The following ANO10 variants were observed in gnomAD, a reference collection of about 807,000 sequenced individuals.
ANO10 encodes the protein anoctamin 10.
In ANO10, 77 loss-of-function variants were observed where a neutral mutation model predicts 74.7. The ratio of observed to expected loss-of-function variants is 1.03; its 90% confidence interval spans 0.86 to 1.25. ANO10 has a LOEUF of 1.25. Among genes scored for constraint, ANO10 ranks in the 50% most tolerant of loss-of-function variants. The pLI is 0.00. For synonymous variants in ANO10, 279 were observed against 284.9 expected (o/e 0.98, Z 0.21); for missense variants, 721 against 778.1 (o/e 0.93, Z 0.87).
chr3:43,505,677 G>A (rs951747002), intron 11 of ANO10, among the ~76,000 whole-genome samples: 2 of 152,212 alleles, frequency 1.3e-5, no homozygotes, highest in Admixed American at 6.5e-5. Context: ...AGGAGGAGGT[G>A]ACATACACAT....
intron 11 of ANO10, among the ~76,000 whole-genome samples, chr3:43,443,341 G>A (rs1451687292): frequency 6.6e-6 from 1 of 152,132 alleles, no homozygotes; most frequent in Non-Finnish European, 1.5e-5. Context: ...GATGTGATAT[G>A]GATTCAGTTA....
chr3:43,661,223 A>C (rs1219489300), intron 1 of ANO10, among the ~76,000 whole-genome samples: 1 of 152,254 alleles, frequency 6.6e-6, no homozygotes, highest in Non-Finnish European at 1.5e-5. Context: ...GAAACCCTAC[A>C]AGCCAGAAGA....
Position 43,669,371 on chromosome 3 carries a change from T to C in ANO10, c.-12+22146A>G, listed in dbSNP as rs1056636509. On this transcript the variant is annotated intron_variant, in intron 1 of 3. Transcript: ENST00000413397. ...GTAGCATTCCTGGAGGTAAAACTCA[T>C]GAAAATGTGAGGGCCCCCCATGAAT... 5.3e-5 allele frequency among the ~76,000 whole-genome samples: 8 copies of C among 152,264 alleles called. No homozygotes were observed. The East Asian group carries it at 5.8e-4, about 11-fold the overall frequency.
rs865842244 is a variant in ANO10, at chr3:43,549,793, C to T, written c.1724G>A (p.Gly575Glu). 9 of 1,613,996 alleles carry T rather than the reference C, an allele frequency of 5.6e-6. No individual in the cohort carries two copies. In the East Asian group the frequency reaches 2.0e-4, roughly 36 times the overall value. ...ISVVTNCALI[G>E]MSPQVNAVFP... ...GACTGCATTCACTTGTGGTGACATTCCAATCAGCGCACAGTTAGTGACCAC... is the reference window on the plus strand; with the variant it reads ...GACTGCATTCACTTGTGGTGACATTTCAATCAGCGCACAGTTAGTGACCAC... The change falls in exon 11 of 13, where the codon GGA becomes GAA. Residue 575 changes from glycine to glutamate, a missense_variant. Gly to Glu is a moderately conservative substitution (Grantham distance 98). Transcript: ENST00000292246.
At chr3:43,413,234 CT>C (rs2092691557) in intron 12 of ANO10, among the ~76,000 whole-genome samples, 1 of 152,164 alleles carries the variant, frequency 6.6e-6, no homozygotes, top group Non-Finnish European at 1.5e-5. Context: ...CTTCCCCAGG[CT>C]GCATTTACTT....
chr3:43,689,605 T>C (rs1343518601), intron 1 of ANO10: 1 of 152,212 alleles, frequency 6.6e-6, no homozygotes, highest in Non-Finnish European at 1.5e-5. Flanking sequence ...CCCTCTAAAT[T>C]ACAGAAGACA....
At chr3:43,689,182 A>C in intron 1 of ANO10, 1 of 152,194 alleles carries the variant, frequency 6.6e-6, no homozygotes. Flanking sequence ...CACCTCTAAC[A>C]CTGGAGATCA....
intron 12 of ANO10, among the ~76,000 whole-genome samples, chr3:43,421,395 C>G (rs1341443271): frequency 2.0e-5 from 3 of 152,048 alleles, no homozygotes; most frequent in Non-Finnish European, 4.4e-5. Context: ...CATGGTGGTG[C>G]ACACCTATAG....
chr3:43,682,114 C>A (rs934771437), intron 1 of ANO10, among the ~76,000 whole-genome samples: 4 of 152,066 alleles, frequency 2.6e-5, no homozygotes, highest in Non-Finnish European at 5.9e-5. Flanking sequence ...ACACAAAAAA[C>A]CCTTCAAAAA....
At chr3:43,503,857 T>A (rs999207017) in intron 11 of ANO10, among the ~76,000 whole-genome samples, 1 of 152,224 alleles carries the variant, frequency 6.6e-6, no homozygotes, top group African/African-American at 2.4e-5. Context: ...AGGTGATTTT[T>A]ATGATTTGAA....
intron 1 of ANO10, among the ~76,000 whole-genome samples, chr3:43,672,444 T>G (rs1301477723): frequency 6.6e-6 from 1 of 152,134 alleles, no homozygotes; most frequent in Non-Finnish European, 1.5e-5. Context: ...GGTGGGAGGA[T>G]CGCTTGAGCC....
chr3:43,514,782 C>A (rs1384764919), intron 11 of ANO10, among the ~76,000 whole-genome samples: 2 of 152,136 alleles, frequency 1.3e-5, no homozygotes, highest in Admixed American at 6.6e-5. Context: ...AATGTTTTCT[C>A]TGACTACAAT....
At chr3:43,515,618 A>G (rs1227526352) in intron 11 of ANO10, among the ~76,000 whole-genome samples, 1 of 152,202 alleles carries the variant, frequency 6.6e-6, no homozygotes, top group African/African-American at 2.4e-5. Flanking sequence ...AGCCAGATTG[A>G]TGAGTAAGAA....
At chr3:43,566,805 C>T (rs948426710) in intron 7 of ANO10, among the ~76,000 whole-genome samples, 1 of 152,236 alleles carries the variant, frequency 6.6e-6, no homozygotes, top group African/African-American at 2.4e-5. Flanking sequence ...GAACGCAGTT[C>T]CTCAGCAACG....
At chr3:43,593,431 C>T (rs983440004) in intron 4 of ANO10, among the ~76,000 whole-genome samples, 2 of 152,186 alleles carry the variant, frequency 1.3e-5, no homozygotes, top group African/African-American at 4.8e-5. Flanking sequence ...CTCTACAAGC[C>T]AGAAGAGAGT....
At chr3:43,373,966 A>T (rs903115272) in intron 12 of ANO10, among the ~76,000 whole-genome samples, 5 of 152,206 alleles carry the variant, frequency 3.3e-5, no homozygotes, top group Non-Finnish European at 7.3e-5. Context: ...CTATCAGTGG[A>T]CACTGATATT....
intron 1 of ANO10, among the ~76,000 whole-genome samples, chr3:43,671,733 TAAC>T (rs1292425382): frequency 3.3e-5 from 5 of 151,932 alleles, no homozygotes; most frequent in Admixed American, 3.3e-4. Context: ...ACTAAGAAGT[TAAC>T]AATACAAAAG....
At chr3:43,498,859 A>G (rs1207888350) in intron 11 of ANO10, among the ~76,000 whole-genome samples, 1 of 152,222 alleles carries the variant, frequency 6.6e-6, no homozygotes, top group Non-Finnish European at 1.5e-5. Flanking sequence ...GTGCTATAAA[A>G]TAATTTAATC....
intron 1 of ANO10, chr3:43,690,558 A>G (rs547774512): frequency 5.9e-6 from 1 of 168,428 alleles, no homozygotes; most frequent in African/African-American, 2.4e-5. Context: ...ACGCCATTTC[A>G]TTTGCCACTG....
Sources: allele counts gnomAD v4.1 joint callset (sites outside exome capture counted in the v4.1 genomes callset), GRCh38; gene constraint gnomAD v4.1.1; transcripts MANE v1.5; gene names NCBI Gene and HGNC (gene_info 2026-07-23, HGNC 2026-07-21).